The following RPTOR variants were observed in gnomAD, a reference collection of about 807,000 sequenced individuals.
RPTOR encodes regulatory associated protein of MTOR complex 1, also known as regulatory-associated protein of mTOR.
In RPTOR, 21 loss-of-function variants were observed where a neutral mutation model predicts 169.9. The observed-to-expected ratio is 0.12, with a 90% CI of 0.09 to 0.18. RPTOR has a LOEUF of 0.18. RPTOR is among the 10% of genes least tolerant of loss of function. The probability of loss-of-function intolerance (pLI) is 1.00; values close to 1 mark genes in which losing one functional copy is unlikely to be tolerated. For missense variants in RPTOR, 1,133 were observed against 1,855.9 expected (o/e 0.61, Z 7.16); for synonymous variants, 732 against 753.2 (o/e 0.97, Z 0.46).
rs1468734994 is a variant in RPTOR, at chr17:80,707,560, T to A, written c.349-281T>A. 1.3e-5 allele frequency among the ~76,000 whole-genome samples: 2 copies of A among 152,006 alleles called. No homozygotes were observed. The highest frequency in any genetic ancestry group is 2.9e-5 in the Non-Finnish European group (2 of 68,006). ...GTGCCACCACACCTGGCTAATTTTT[T>A]TTTTTTTTAATTGTAGAGATGGGGT... On this transcript the variant is annotated intron_variant, in intron 3 of 33. Coordinates refer to ENST00000306801, the MANE Select transcript of RPTOR (RefSeq NM_020761.3). The surrounding 1 kb of genome is among the most constrained non-coding windows in gnomAD (Gnocchi z 5.0).
At chr17:80,545,812 C>T (rs771093442) in intron 1 of RPTOR, 21 bp downstream of exon 1, 1 of 1,562,612 alleles carries the variant, frequency 6.4e-7, no homozygotes, top group Non-Finnish European at 8.7e-7. Context: ...TCTGAAGGCA[C>T]CCCTTGAACT....
chr17:80,906,212 T>TA (rs994684642), intron 20 of RPTOR, among the ~76,000 whole-genome samples: 49 of 144,216 alleles, frequency 3.4e-4, no homozygotes, highest in Admixed American at 5.5e-4. Flanking sequence ...CCACCCACTC[T>TA]AAAAAAAAAA....
At chr17:80,557,695 AG>A (rs2084428066) in intron 1 of RPTOR, among the ~76,000 whole-genome samples, 1 of 147,964 alleles carries the variant, frequency 6.8e-6, no homozygotes, top group Non-Finnish European at 1.5e-5. Context: ...GAGGCTAAGG[AG>A]GGCAGATCAC....
chr17:80,574,827 ATT>A (rs555426915), intron 1 of RPTOR, among the ~76,000 whole-genome samples: 5 of 121,430 alleles, frequency 4.1e-5, no homozygotes, highest in Admixed American at 1.9e-4. Flanking sequence ...AGCTTATTTA[ATT>A]TTTTTTTTTT....
chr17:80,943,299 G>A (rs1370979757), intron 25 of RPTOR, among the ~76,000 whole-genome samples: 4 of 152,058 alleles, frequency 2.6e-5, no homozygotes, highest in East Asian at 3.9e-4. Context: ...CTTGCACCCC[G>A]ACGGTAGGCT....
At chr17:80,619,214 C>G (rs2065336908) in intron 1 of RPTOR, among the ~76,000 whole-genome samples, 2 of 152,112 alleles carry the variant, frequency 1.3e-5, no homozygotes, top group Non-Finnish European at 2.9e-5. Context: ...TTTTCCACAA[C>G]TCTCAGTTGT....
intron 32 of RPTOR, among the ~76,000 whole-genome samples, 162 bp from the exon 33 acceptor site, chr17:80,962,766 C>T (rs574792453): frequency 3.3e-4 from 50 of 152,230 alleles, no homozygotes; most frequent in Non-Finnish European, 6.0e-4. Context: ...AGGGCCCTGC[C>T]AGGCCCGAGT....
intron 3 of RPTOR, among the ~76,000 whole-genome samples, chr17:80,645,745 G>A (rs1461977707): frequency 2.0e-5 from 3 of 152,338 alleles, no homozygotes; most frequent in African/African-American, 7.2e-5. Flanking sequence ...GCATCATGAT[G>A]TAGGGAAGGT....
chr17:80,961,269 G>A (rs2069336450), intron 30 of RPTOR, 125 bp from the exon 31 acceptor site: 1 of 811,572 alleles, frequency 1.2e-6, no homozygotes, highest in African/African-American at 1.7e-5. Flanking sequence ...CTCGTGGGGA[G>A]CGGACGGGCG....
chr17:80,590,033 T>G (rs894031234), intron 1 of RPTOR, among the ~76,000 whole-genome samples: 8 of 152,278 alleles, frequency 5.3e-5, no homozygotes, highest in African/African-American at 1.9e-4. Context: ...GTAGGCAATC[T>G]CCATCAGATT....
chr17:80,853,199 G>A (rs2067812696), intron 11 of RPTOR, among the ~76,000 whole-genome samples: 1 of 152,148 alleles, frequency 6.6e-6, no homozygotes, highest in South Asian at 2.1e-4. Flanking sequence ...TCTGCATGCC[G>A]TCGGCGGGGC....
intron 1 of RPTOR, among the ~76,000 whole-genome samples, chr17:80,590,054 T>C (rs1353381324): frequency 6.6e-6 from 1 of 152,284 alleles, no homozygotes; most frequent in Non-Finnish European, 1.5e-5. Flanking sequence ...AAGGAAGGTT[T>C]CTTTCTTGCT....
chr17:80,762,549 G>A (rs767080655), intron 6 of RPTOR, among the ~76,000 whole-genome samples: 10 of 152,306 alleles, frequency 6.6e-5, no homozygotes, highest in African/African-American at 1.9e-4. Context: ...TTGTCCTACC[G>A]CCCTTGTGAA....
chr17:80,581,364 G>C (rs1423275557), intron 1 of RPTOR, among the ~76,000 whole-genome samples: 4 of 152,194 alleles, frequency 2.6e-5, no homozygotes, highest in African/African-American at 9.7e-5. Flanking sequence ...CCATTCCTGT[G>C]AAAGCCGCTG....
chr17:80,666,460 G>A (rs1229646240), intron 3 of RPTOR, among the ~76,000 whole-genome samples: 1 of 152,058 alleles, frequency 6.6e-6, no homozygotes, highest in Admixed American at 6.6e-5. Context: ...CAAGTGACCC[G>A]GAATCTAATC....
chr17:80,663,928 A>G (rs1267023308), intron 3 of RPTOR, among the ~76,000 whole-genome samples: 1 of 152,142 alleles, frequency 6.6e-6, no homozygotes, highest in African/African-American at 2.4e-5. Context: ...GGCTCATCTC[A>G]CAAGGATCTG....
At chr17:80,741,856 G>C (rs1011651209) in intron 5 of RPTOR, among the ~76,000 whole-genome samples, 4 of 152,104 alleles carry the variant, frequency 2.6e-5, no homozygotes, top group African/African-American at 9.7e-5. Context: ...TAGAGTCTGG[G>C]AAAAGGAGAG....
At chr17:80,894,234 C>T (rs148401390) in intron 20 of RPTOR, among the ~76,000 whole-genome samples, 1 of 152,234 alleles carries the variant, frequency 6.6e-6, no homozygotes, top group Non-Finnish European at 1.5e-5. Context: ...GGTGGTTTTG[C>T]CCCCCACGAG....
intron 6 of RPTOR, among the ~76,000 whole-genome samples, chr17:80,777,843 T>C (rs1159895641): frequency 6.6e-6 from 1 of 152,208 alleles, no homozygotes. Flanking sequence ...TTTGAGAATG[T>C]TTTCTGCAGG....
Sources: allele counts gnomAD v4.1 joint callset (sites outside exome capture counted in the v4.1 genomes callset), GRCh38; gene constraint gnomAD v4.1.1; non-coding constraint Gnocchi (gnomAD v3.1); transcripts MANE v1.5; gene names NCBI Gene and HGNC (gene_info 2026-07-23, HGNC 2026-07-21).